CIC: variants seen among roughly 807,000 people sequenced by gnomAD.
CIC encodes the protein protein capicua homolog.
A neutral mutation model predicts 115.7 loss-of-function variants in CIC; 18 were observed. The observed-to-expected ratio is 0.16, with a 90% CI of 0.11 to 0.23. The LOEUF (loss-of-function observed/expected upper bound fraction) is 0.23, where lower values mean the gene tolerates loss of function less well. CIC is among the 10% of genes least tolerant of loss of function. The pLI is 1.00. For missense variants in CIC, 2,000 were observed against 2,159.3 expected (o/e 0.93, Z 1.46); for synonymous variants, 1,076 against 923.0 (o/e 1.17, Z -3.01).
chr19:42,289,839 C>T lies in CIC; in HGVS notation c.4088-9C>T, dbSNP rs1341990716. 2 of 1,585,374 alleles carry T rather than the reference C, an allele frequency of 1.3e-6. No individual in the cohort carries two copies. Among genetic ancestry groups the T allele is most frequent in the East Asian group, 2.3e-5 (1 of 43,984 alleles). On this transcript the variant is annotated splice_polypyrimidine_tract_variant and intron_variant, in intron 9 of 20. Transcript: ENST00000681038. ...CCCCCTCCCCATACTGTTCCCTCCA[C>T]TCCCTCAGCTGACGATGGCTTCGGC...
In CIC at chr19:42,291,946, C is replaced by T. The variant is rs557694482; in HGVS notation, c.5614-140C>T. The T allele has an allele frequency of 2.0e-4, 267 of 1,366,602 alleles. 2 individuals carry two copies. Among genetic ancestry groups the T allele is most frequent in the South Asian group, 1.5e-3 (132 of 85,236 alleles). 84.7% of individuals were successfully genotyped at this position (1,366,602 alleles called of 1,614,324 possible). On this transcript the variant is annotated intron_variant, in intron 12 of 20. Coordinates refer to ENST00000681038, the MANE Select transcript of CIC (RefSeq NM_001386298.1). ...TCCTTCTCTGTGTCCCCACCTCTCACTGTCATCTTGCCCATCCTGTTCTCA... is the reference window on the plus strand; with the variant it reads ...TCCTTCTCTGTGTCCCCACCTCTCATTGTCATCTTGCCCATCCTGTTCTCA...
chr19:42,290,184 G>A (rs200447621), intron 10 of CIC, 49 bp from the exon 11 acceptor site: 4 of 1,612,478 alleles, frequency 2.5e-6, no homozygotes, highest in Admixed American at 3.3e-5. Context: ...GGCTGCTATC[G>A]AGGTGTCGGA....
intron 2 of CIC, among the ~76,000 whole-genome samples, chr19:42,285,044 G>C (rs981405518): frequency 5.3e-5 from 8 of 152,120 alleles, no homozygotes; most frequent in African/African-American, 1.9e-4. Context: ...AGAGTAACTG[G>C]CTCTGGAGCA....
rs1224770670 is a variant in CIC at position 42,288,950 on chromosome 19, G to C, written c.3721G>C (p.Gly1241Arg). The C allele has an allele frequency of 6.2e-7, 1 of 1,614,094 alleles. No homozygotes were observed. Among genetic ancestry groups the C allele is most frequent in the Non-Finnish European group, 8.5e-7 (1 of 1,180,032 alleles). ...TLLSSDTKAP[G>R]SSSCGAERLH... ...CCTGAGCTCAGACACCAAGGCTCCG[G>C]GGAGCAGCTCCTGTGGGGCAGAACG... Residue 1241 changes from glycine to arginine, a missense_variant, in exon 8 of 21, where the codon GGG (glycine) becomes CGG (arginine). Physicochemically the swap from Gly to Arg is moderately radical, Grantham distance 125. Around this residue, in one of 8 missense-constraint regions of CIC, gnomAD observed 1,466 missense variants for 1,390.4 expected, o/e 1.05. Transcript: ENST00000681038.
intron 1 of CIC, among the ~76,000 whole-genome samples, chr19:42,269,586 A>G (rs1447767414): frequency 6.6e-6 from 1 of 150,426 alleles, no homozygotes; most frequent in African/African-American, 2.5e-5. Flanking sequence ...AAGAAGGGTA[A>G]CAGGAATGGA....
At chr19:42,278,463 G>A (rs1382696566) in intron 2 of CIC, among the ~76,000 whole-genome samples, 1 of 152,194 alleles carries the variant, frequency 6.6e-6, no homozygotes, top group African/African-American at 2.4e-5. Flanking sequence ...TTGGACCTCT[G>A]TCTGTCTGAC....
At position 42,293,211 on chromosome 19, in the gene CIC, C is replaced by A. The variant is rs372540973; in HGVS notation, c.6452C>A (p.Thr2151Lys). The A allele has an allele frequency of 3.1e-6, 5 of 1,596,622 alleles. No homozygotes were observed. Among genetic ancestry groups the A allele is most frequent in the East Asian group, 2.3e-5 (1 of 43,858 alleles). The change falls in exon 16 of 21, where the codon ACG becomes AAG. Residue 2151 changes from threonine (T) to lysine (K), a missense_variant. Transcript: ENST00000681038. ...PPPLPETWTP[T>K]ARSSPPLPPP... is the part of the protein sequence containing the mutation. ...CCCCTGCCAGAGACCTGGACTCCCA[C>A]GGCCCGGAGCAGCCCCCCACTGCCC...
chr19:42,287,966 G>A lies in CIC; in HGVS notation c.3649G>A (p.Ala1217Thr). Residue 1217 changes from alanine to threonine, a missense_variant, in exon 7 of 21, where the codon GCC becomes ACC. Coordinates refer to ENST00000681038, the MANE Select transcript of CIC (RefSeq NM_001386298.1). This position sits in a 1 kb window ranked among gnomAD's most constrained non-coding sequence, Gnocchi z 8.7. ...CATGTCGGAGACGGGCACTGCTGCTGCCCCTGGGGGTTAGTCAGCCCCTTG... is the reference window on the plus strand; with the variant it reads ...CATGTCGGAGACGGGCACTGCTGCTACCCCTGGGGGTTAGTCAGCCCCTTG... ...RSMSETGTAA[A>T]PGVSSELLSV... 1 of 1,592,556 alleles carries A rather than the reference G, an allele frequency of 6.3e-7. No homozygotes were observed. Among genetic ancestry groups the A allele is most frequent in the South Asian group, 1.1e-5 (1 of 87,798 alleles).
rs201728833 is a variant in CIC, at chr19:42,290,375, C to G, written c.4334C>G (p.Ala1445Gly). 1.4e-5 allele frequency: 22 copies of G among 1,613,988 alleles called. No homozygotes were observed. Among genetic ancestry groups the G allele is most frequent in the Non-Finnish European group, 1.9e-5 (22 of 1,179,980 alleles). Residue 1445 changes from alanine (A) to glycine (G), a missense_variant, in exon 11 of 21, where the codon GCG becomes GGG. Physicochemically the swap from Ala to Gly is moderately conservative, Grantham distance 60. Around this residue, in one of 8 missense-constraint regions of CIC, gnomAD observed 1,466 missense variants for 1,390.4 expected, o/e 1.05. Transcript: ENST00000681038. ...TATGGTTCCGCCCCATCCTCCTCTG[C>G]GTCCTCGCCTGCTTCCTCCTCAGCC... ...KGYGSAPSSSASSPASSSASA... is the reference protein window; with the variant it reads ...KGYGSAPSSSGSSPASSSASA...
chr19:42,288,653 A>C (rs967668304), intron 7 of CIC, among the ~76,000 whole-genome samples: 5 of 151,934 alleles, frequency 3.3e-5, no homozygotes, highest in African/African-American at 9.7e-5. Context: ...AGGCCTCCTT[A>C]CTTTCAGGAG....
Position 42,289,238 on chromosome 19 carries a change from C to T in CIC, c.3919C>T (p.Pro1307Ser), listed in dbSNP as rs1371700095. 2 of 1,613,606 alleles carry T rather than the reference C, an allele frequency of 1.2e-6. No homozygotes were observed. The highest frequency in any genetic ancestry group is 1.1e-5 in the South Asian group (1 of 91,080). The part of the protein sequence containing the change: ...GPKPSTQYGA[P>S]GPFAAPGEGG... ...AAAGCCTTCTACCCAGTATGGAGCT[C>T]CAGGACCCTTTGCAGCCCCTGGTGA... The change falls in exon 9 of 21, where the codon CCA becomes TCA. Residue 1307 changes from proline to serine, a missense_variant. Around this residue, in one of 8 missense-constraint regions of CIC, gnomAD observed 1,466 missense variants for 1,390.4 expected, o/e 1.05. Transcript: ENST00000681038.
In CIC at chr19:42,288,986, G is replaced by T. The variant is rs1425951544; in HGVS notation, c.3757G>T (p.Val1253Phe). The change falls in exon 8 of 21, where the codon GTT becomes TTT. Residue 1253 changes from valine (V) to phenylalanine (F), a missense_variant. Around this residue, in one of 8 missense-constraint regions of CIC, gnomAD observed 1,466 missense variants for 1,390.4 expected, o/e 1.05. Coordinates refer to ENST00000681038, the MANE Select transcript of CIC (RefSeq NM_001386298.1). ...CTGTGGGGCAGAACGGCTACACACAGTTGGGGGACCTGGCTCAGCCCGGCC... is the reference window on the plus strand; with the variant it reads ...CTGTGGGGCAGAACGGCTACACACATTTGGGGGACCTGGCTCAGCCCGGCC... ...SSCGAERLHT[V>F]GGPGSARPRA... 1 of 1,613,998 alleles carries T rather than the reference G, an allele frequency of 6.2e-7. No individual in the cohort carries two copies. Among genetic ancestry groups the T allele is most frequent in the African/African-American group, 1.3e-5 (1 of 75,060 alleles).
chr19:42,271,227 G>A (rs2036779737), intron 1 of CIC, among the ~76,000 whole-genome samples: 2 of 152,216 alleles, frequency 1.3e-5, no homozygotes, highest in Non-Finnish European at 2.9e-5. Context: ...CATGTGACAG[G>A]CAGCACACTG....
chr19:42,283,880 T>A (rs2037390083), intron 2 of CIC: 1 of 151,092 alleles, frequency 6.6e-6, no homozygotes, highest in Non-Finnish European at 1.5e-5. Flanking sequence ...CTTATTTGCA[T>A]ATGACTGACG....
intron 7 of CIC, among the ~76,000 whole-genome samples, chr19:42,288,632 A>G (rs545245757): frequency 6.6e-6 from 1 of 152,244 alleles, no homozygotes; most frequent in South Asian, 2.1e-4. Context: ...GCACCACATG[A>G]ACCTCTCTCC....
chr19:42,284,677 C>T (rs1464176519), intron 2 of CIC: 3 of 1,529,442 alleles, frequency 2.0e-6, no homozygotes, highest in Admixed American at 3.9e-5. Context: ...AGGTGCGAGC[C>T]CCTGCCGGGT....
At position 42,293,250 on chromosome 19, in the gene CIC, A is replaced by G. The variant is rs2038279021; in HGVS notation, c.6491A>G (p.Glu2164Gly). 2 of 1,587,626 alleles carry G rather than the reference A, an allele frequency of 1.3e-6. No homozygotes were observed. The highest frequency in any genetic ancestry group is 2.7e-5 in the African/African-American group (2 of 74,214). Residue 2164 changes from glutamate (E) to glycine (G), a missense_variant, in exon 16 of 21, where the codon GAG becomes GGG. By Grantham distance (98) the Glu-to-Gly change is moderately conservative. Around this residue, in one of 8 missense-constraint regions of CIC, gnomAD observed 1,466 missense variants for 1,390.4 expected, o/e 1.05. Transcript: ENST00000681038. ...SSPPLPPPAE[E>G]RTSAKGPETM... ...CCCCCACTGCCCCCACCTGCTGAGGAGCGGACCAGCGCCAAGGGCCCTGAG... is the reference window on the plus strand; with the variant it reads ...CCCCCACTGCCCCCACCTGCTGAGGGGCGGACCAGCGCCAAGGGCCCTGAG...
chr19:42,288,383 A>G (rs889851362), intron 7 of CIC, among the ~76,000 whole-genome samples: 1 of 152,168 alleles, frequency 6.6e-6, no homozygotes, highest in South Asian at 2.1e-4. Context: ...CCCCAGCACC[A>G]TAGTTGGGGC....
At position 42,294,273 on chromosome 19, in the gene CIC, C is replaced by T. The variant is rs201209206; in HGVS notation, c.7023C>T (p.Cys2341=). The T allele has an allele frequency of 1.1e-5, 18 of 1,613,528 alleles. No individual in the cohort carries two copies. The highest frequency in any genetic ancestry group is 1.1e-4 in the African/African-American group (8 of 75,016). The change falls in exon 19 of 21, where the codon TGC becomes TGT. Residue 2341 remains cysteine, a synonymous_variant. Coordinates refer to ENST00000681038, the MANE Select transcript of CIC (RefSeq NM_001386298.1). ...CCAACACCCCCAAGAGTGCCAAGTG[C>T]GAGGGGGACATCTTCACCTTTGACC... ...SEPNTPKSAK[C]EGDIFTFDRT... is the part of the protein sequence containing the mutation.
Sources: allele counts gnomAD v4.1 joint callset (sites outside exome capture counted in the v4.1 genomes callset), GRCh38; gene constraint gnomAD v4.1.1; regional missense constraint gnomAD v4.1.1; non-coding constraint Gnocchi (gnomAD v3.1); transcripts MANE v1.5; gene names NCBI Gene and HGNC (gene_info 2026-07-23, HGNC 2026-07-21).